TJP3: variants seen among roughly 807,000 people sequenced by gnomAD.
The protein encoded by TJP3 is tight junction protein 3, also known as tight junction protein ZO-3.
Under a neutral mutation model 104.2 loss-of-function variants are expected in TJP3, and 85 were observed. That is an observed-to-expected ratio of 0.82 (90% confidence interval 0.68 to 0.98). The LOEUF is 0.98. Among genes scored for constraint, TJP3 ranks in the 50% least tolerant of loss-of-function variants. The pLI, the probability that TJP3 is intolerant of heterozygous loss-of-function variation, is 0.00. For synonymous variants in TJP3, 550 were observed against 550.6 expected, an observed-to-expected ratio of 1.00 and a Z score of 0.02; for missense variants, 1,367 against 1,322.8, an observed-to-expected ratio of 1.03 and a Z score of -0.52.
Position 3,721,966 on chromosome 19 carries a change from G to A in TJP3, c.-9-6458G>A, listed in dbSNP as rs1232401985. 3 of 1,024,788 alleles carry A rather than the reference G, an allele frequency of 2.9e-6. No homozygotes were observed. In the African/African-American group the frequency reaches 4.9e-5, roughly 17 times the overall value. 63.5% of individuals were successfully genotyped at this position (1,024,788 alleles called of 1,614,324 possible). Reference sequence around the variant, plus strand: ...GGGGCTCGGGCTGAGGTGGGGTGGGGGGAAAGCAGGGTTTGGGAGTCGGAC... The same window carrying A: ...GGGGCTCGGGCTGAGGTGGGGTGGGAGGAAAGCAGGGTTTGGGAGTCGGAC... On this transcript the variant is annotated intron_variant, in intron 1 of 20. Coordinates refer to ENST00000541714, the MANE Select transcript of TJP3 (RefSeq NM_001267560.2).
At chr19:3,737,628 C>T (rs1398893332) in intron 11 of TJP3, among the ~76,000 whole-genome samples, 3 of 152,154 alleles carry the variant, frequency 2.0e-5, no homozygotes, top group African/African-American at 7.2e-5. Flanking sequence ...CTCACCCCCA[C>T]TTTGCTCTCA....
intron 1 of TJP3, chr19:3,721,960 G>A (rs750689955): frequency 5.5e-6 from 6 of 1,091,304 alleles, no homozygotes; most frequent in East Asian, 3.2e-5. Context: ...GCTGAGGTGG[G>A]GTGGGGGGAA....
chr19:3,735,489 G>A (rs537916685), intron 8 of TJP3, 77 bp from the exon 9 acceptor site: 75 of 1,452,600 alleles, frequency 5.2e-5, no homozygotes, highest in African/African-American at 2.0e-4. Flanking sequence ...ATGAACCACC[G>A]TGCCCGGCCT....
intron 11 of TJP3, among the ~76,000 whole-genome samples, chr19:3,738,307 T>C (rs2036764410): frequency 6.6e-6 from 1 of 152,230 alleles, no homozygotes; most frequent in Non-Finnish European, 1.5e-5. Context: ...TGAGGACAAG[T>C]GCAGTGCCTG....
intron 14 of TJP3, among the ~76,000 whole-genome samples, chr19:3,741,466 A>G (rs1231457137): frequency 6.6e-6 from 1 of 151,182 alleles, no homozygotes; most frequent in Non-Finnish European, 1.5e-5. Context: ...TCTCTACTAA[A>G]AGTACAAAAA....
rs915535775 is a variant in TJP3 at position 3,714,050 on chromosome 19, C to A, written c.-10+5489C>A. On this transcript the variant is annotated intron_variant, in intron 1 of 20. Transcript: ENST00000541714. The stretch of plus-strand genomic sequence containing the variant: ...TATTATTATTACTATTATTTAATTT[C>A]TTTGTTGTTGTTTTGAGACAGAGTC... 2.5e-4 allele frequency among the ~76,000 whole-genome samples: 36 copies of A among 146,596 alleles called. 1 individual carries two copies. Among genetic ancestry groups the A allele is most frequent in the African/African-American group, 8.9e-4 (35 of 39,458 alleles).
chr19:3,737,356 C>T (rs1012033789), intron 11 of TJP3, among the ~76,000 whole-genome samples: 5 of 151,948 alleles, frequency 3.3e-5, no homozygotes, highest in African/African-American at 9.7e-5. Flanking sequence ...CTGTGTTGAC[C>T]GTGTCATGAC....
chr19:3,738,444 G>A (rs1406622262), intron 11 of TJP3, 111 bp from the exon 12 acceptor site: 9 of 905,704 alleles, frequency 9.9e-6, no homozygotes, highest in African/African-American at 4.9e-5. Flanking sequence ...TCCCTTGGCA[G>A]CAGCTCTGGA....
intron 11 of TJP3, among the ~76,000 whole-genome samples, chr19:3,737,362 A>G (rs529189373): frequency 6.6e-5 from 10 of 152,186 alleles, no homozygotes; most frequent in African/African-American, 2.4e-4. Flanking sequence ...TGACCGTGTC[A>G]TGACCGTCTT....
chr19:3,728,345 C>T, intron 1 of TJP3, 79 bp from the exon 2 acceptor site: 1 of 1,610,394 alleles, frequency 6.2e-7, no homozygotes, highest in Non-Finnish European at 8.5e-7. Context: ...CTGGACTCCC[C>T]ACCCTGAGCT....
chr19:3,723,684 T>G (rs2036565926), intron 1 of TJP3, among the ~76,000 whole-genome samples: 1 of 151,270 alleles, frequency 6.6e-6, no homozygotes, highest in Non-Finnish European at 1.5e-5. Context: ...TTCTAGCTAC[T>G]TGGGAGGCTG....
intron 8 of TJP3, among the ~76,000 whole-genome samples, chr19:3,734,814 C>A (rs1030970359): frequency 6.6e-6 from 1 of 152,092 alleles, no homozygotes; most frequent in East Asian, 1.9e-4. Flanking sequence ...ATTAGCCCGG[C>A]GTGGTGCCGG....
intron 6 of TJP3, among the ~76,000 whole-genome samples, 199 bp from the exon 7 acceptor site, chr19:3,733,554 T>G (rs78759757): frequency 0.027 from 4,116 of 152,288 alleles, 74 homozygotes; most frequent in Middle Eastern, 0.11. Flanking sequence ...CATTTTCTGT[T>G]TCTAGAATTC....
intron 18 of TJP3, among the ~76,000 whole-genome samples, chr19:3,747,519 G>C (rs1250366326): frequency 6.6e-6 from 1 of 152,162 alleles, no homozygotes; most frequent in Non-Finnish European, 1.5e-5. Context: ...TGGCAACAGA[G>C]ACTCCTTCTC....
In TJP3 at chr19:3,747,974, G is replaced by C. The variant is rs1479379980; in HGVS notation, c.2503G>C (p.Asp835His). 1 of 1,612,754 alleles carries C rather than the reference G, an allele frequency of 6.2e-7. No homozygotes were observed. The highest frequency in any genetic ancestry group is 8.5e-7 in the Non-Finnish European group (1 of 1,179,760). ...GGGGGGGCCCTACACGGATGTGGAT[G>C]ATGAGCCCCCGGCTCCAGCCCTGGC... ...GEGGPYTDVD[D>H]EPPAPALARS... The change falls in exon 19 of 21, where the codon GAT becomes CAT. Residue 835 changes from aspartate to histidine, a missense_variant. Asp to His is a moderately conservative substitution (Grantham distance 81). Transcript: ENST00000541714.
intron 14 of TJP3, among the ~76,000 whole-genome samples, chr19:3,743,358 G>A (rs1018202361): frequency 2.6e-5 from 4 of 152,174 alleles, no homozygotes; most frequent in African/African-American, 9.7e-5. Flanking sequence ...CCCTCAAGAC[G>A]CTTCTGTGAC....
Position 3,720,043 on chromosome 19 carries a change from C to A in TJP3, c.-9-8381C>A, listed in dbSNP as rs985010184. 2.6e-5 allele frequency among the ~76,000 whole-genome samples: 4 copies of A among 152,206 alleles called. No individual in the cohort carries two copies. The East Asian group carries it at 7.7e-4, about 29-fold the overall frequency. ...TACAGGAGTGAGCCATTGTGCCTGG[C>A]CTCTACGCCCCTTTTAATCCTCCTG... On this transcript the variant is annotated intron_variant, in intron 1 of 20. Transcript: ENST00000541714.
chr19:3,735,381 G>A (rs959118693), intron 8 of TJP3, among the ~76,000 whole-genome samples, 185 bp from the exon 9 acceptor site: 15 of 151,982 alleles, frequency 9.9e-5, no homozygotes, highest in African/African-American at 3.4e-4. Flanking sequence ...TGTATTTTTG[G>A]AGAGACGGGG....
Position 3,743,973 on chromosome 19 carries a change from C to T in TJP3, c.1878C>T (p.Pro626=), listed in dbSNP as rs575568121. 9.3e-6 allele frequency: 15 copies of T among 1,614,126 alleles called. No homozygotes were observed. The Admixed American group carries it at 1.0e-4, about 11-fold the overall frequency. Residue 626 remains proline, a synonymous_variant, in exon 15 of 21, where the codon CCC becomes CCT. Coordinates refer to ENST00000541714, the MANE Select transcript of TJP3 (RefSeq NM_001267560.2). The part of the protein sequence containing the change: ...SFKRPVVILG[P]VADIAMQKLT... ...AGCGCCCGGTAGTGATCCTGGGACCCGTGGCCGACATTGCTATGCAGAAGT... is the reference window on the plus strand; with the variant it reads ...AGCGCCCGGTAGTGATCCTGGGACCTGTGGCCGACATTGCTATGCAGAAGT...
Sources: gnomAD v4.1 joint callset for allele counts (sites outside exome capture counted in the v4.1 genomes callset) on GRCh38, gnomAD v4.1.1 for gene constraint, MANE v1.5 for transcripts, NCBI Gene and HGNC (gene_info 2026-07-23, HGNC 2026-07-21) for gene names.